Variants in DNAH3 observed in about 807,000 individuals in gnomAD.
DNAH3 encodes dynein axonemal heavy chain 3.
DNAH3 carries 332 observed loss-of-function variants against 432.5 expected under a neutral mutation model. The observed-to-expected ratio is 0.77, with a 90% confidence interval of 0.70 to 0.84. DNAH3 has a LOEUF of 0.84. Among genes scored for constraint, DNAH3 ranks in the 40% least tolerant of loss-of-function variants. The probability of loss-of-function intolerance (pLI) is 0.00; values close to 1 mark genes in which losing one functional copy is unlikely to be tolerated. For synonymous variants in DNAH3, 1,956 were observed against 1,900.2 expected, an observed-to-expected ratio of 1.03 and a Z score of -0.76; for missense variants, 4,861 against 5,114.0, an observed-to-expected ratio of 0.95 and a Z score of 1.51.
At chr16:20,944,803 G>A (rs1479226338) in intron 57 of DNAH3, 140 bp from the exon 58 acceptor site, 64 of 662,856 alleles carry the variant, frequency 9.7e-5, no homozygotes, top group South Asian at 1.4e-4. Context: ...ACACACACAC[G>A]CTGGGAGAAC....
chr16:20,964,316 A>T, exon 53 of DNAH3: 1 of 1,614,228 alleles, frequency 6.2e-7, no homozygotes. Context: ...TTGAGGAGAC[A>T]GACCTTCACG....
At chr16:21,119,570 C>T (rs2092288499) in intron 11 of DNAH3, among the ~76,000 whole-genome samples, 1 of 151,538 alleles carries the variant, frequency 6.6e-6, no homozygotes. Context: ...GTAGAGGTTG[C>T]CTCCCGGGCT....
At chr16:21,105,611 CA>C (rs2091927900) in intron 15 of DNAH3, among the ~76,000 whole-genome samples, 1 of 151,950 alleles carries the variant, frequency 6.6e-6, no homozygotes, top group African/African-American at 2.4e-5. Context: ...ACTAAAAATA[CA>C]AAAATTAGTT....
chr16:20,997,385 C>T lies in DNAH3; in HGVS notation c.6499G>A (p.Gly2167Ser), dbSNP rs199568662. The T allele has an allele frequency of 3.0e-5, 49 of 1,614,194 alleles. 1 individual carries two copies. In the African/African-American group the frequency reaches 5.7e-4, roughly 19 times the overall value. Residue 2167 changes from glycine to serine, a missense_variant, in exon 44 of 62, where the codon GGT (glycine) becomes AGT (serine). By Grantham distance (56) the Gly-to-Ser change is moderately conservative. Coordinates refer to ENST00000261383, the Ensembl canonical transcript of DNAH3. ...GTGTCTTTTTTGTCAAACCAGTAAC[C>T]ATGGTCAATCCACTGCCTCAGGAGC...
chr16:20,947,775 TTTTG>T (rs752763848), intron 57 of DNAH3, among the ~76,000 whole-genome samples: 88 of 152,210 alleles, frequency 5.8e-4, no homozygotes, highest in African/African-American at 1.3e-3. Flanking sequence ...AAGTGGTTTT[TTTTG>T]TTTGTTTGTT....
At chr16:21,138,671 A>C (rs896848409) in intron 5 of DNAH3, among the ~76,000 whole-genome samples, 5 of 152,144 alleles carry the variant, frequency 3.3e-5, no homozygotes, top group African/African-American at 1.2e-4. Context: ...TTAGCTGGGC[A>C]TGGTGGCAGT....
intron 40 of DNAH3, 128 bp from the exon 41 acceptor site, chr16:21,019,997 T>A (rs2152709994): frequency 9.9e-7 from 1 of 1,008,012 alleles, no homozygotes; most frequent in Non-Finnish European, 1.5e-6. Context: ...AGAGTGCCTA[T>A]CACCTACCAG....
intron 1 of DNAH3, among the ~76,000 whole-genome samples, chr16:21,148,047 A>T (rs147603505): frequency 1.5e-4 from 23 of 152,298 alleles, no homozygotes; most frequent in Non-Finnish European, 2.5e-4. Context: ...CTCCTATATA[A>T]GATGAGCCAA....
intron 44 of DNAH3, among the ~76,000 whole-genome samples, chr16:20,989,236 G>C (rs539937707): frequency 1.3e-5 from 2 of 152,272 alleles, no homozygotes; most frequent in East Asian, 1.9e-4. Flanking sequence ...CAATCCCTGA[G>C]CTAGATACAA....
chr16:21,080,238 A>G (rs1254075740), intron 20 of DNAH3, among the ~76,000 whole-genome samples: 1 of 152,320 alleles, frequency 6.6e-6, no homozygotes, highest in East Asian at 1.9e-4. Flanking sequence ...AGGAGGTTGC[A>G]GTGAGCCGAG....
chr16:21,151,989 C>T (rs1221728924), intron 1 of DNAH3, among the ~76,000 whole-genome samples: 1 of 151,988 alleles, frequency 6.6e-6, no homozygotes, highest in Non-Finnish European at 1.5e-5. Context: ...AATCCCAGCA[C>T]TCTGAAAGGC....
intron 18 of DNAH3, among the ~76,000 whole-genome samples, chr16:21,094,752 A>G (rs2091631387): frequency 6.6e-6 from 1 of 152,156 alleles, no homozygotes; most frequent in African/African-American, 2.4e-5. Flanking sequence ...ATCTAGAATT[A>G]TAGTTCCCAT....
chr16:20,959,610 AACACACACAC>A (rs55757849), intron 53 of DNAH3, among the ~76,000 whole-genome samples: 1,698 of 137,620 alleles, frequency 0.012, 15 homozygotes, highest in Non-Finnish European at 0.019. Flanking sequence ...TCTCTATTTA[AACACACACAC>A]ACACACACAC....
intron 7 of DNAH3, among the ~76,000 whole-genome samples, chr16:21,131,767 ATG>A (rs1567846952): frequency 7.4e-5 from 11 of 149,400 alleles, no homozygotes; most frequent in Non-Finnish European, 1.5e-4. Flanking sequence ...GGCAGGAGAA[ATG>A]TTTGAACCTG....
At chr16:21,047,708 G>A (rs1414207693) in intron 31 of DNAH3, among the ~76,000 whole-genome samples, 6 of 152,080 alleles carry the variant, frequency 3.9e-5, no homozygotes, top group Admixed American at 1.3e-4. Flanking sequence ...GCTTTGTTCC[G>A]TTGCTGGTGA....
chr16:21,136,279 T>A lies in DNAH3; in HGVS notation c.886+45A>T. 4 of 1,568,036 alleles carry A rather than the reference T, an allele frequency of 2.6e-6. No homozygotes were observed. The Admixed American group carries it at 5.2e-5, about 20-fold the overall frequency. ...AATAAAAATAAAAAAGAAGGTGCCC[T>A]CTACATAGAAGCTCCCCAGCCCCCT... On this transcript the variant is annotated intron_variant, in intron 6 of 61. Coordinates refer to ENST00000261383, the Ensembl canonical transcript of DNAH3.
At chr16:21,038,805 T>A (rs11640976) in intron 33 of DNAH3, among the ~76,000 whole-genome samples, 1 of 152,190 alleles carries the variant, frequency 6.6e-6, no homozygotes, top group Admixed American at 6.5e-5. Context: ...GCAATCCTGG[T>A]TACTATAGAA....
chr16:21,116,386 G>C (rs778243489), intron 12 of DNAH3, among the ~76,000 whole-genome samples: 2 of 151,864 alleles, frequency 1.3e-5, no homozygotes, highest in Non-Finnish European at 2.9e-5. Flanking sequence ...GAGTTCTCAC[G>C]AGATCTGATG....
intron 37 of DNAH3, among the ~76,000 whole-genome samples, chr16:21,028,427 G>A (rs374510389): frequency 7.3e-5 from 11 of 151,438 alleles, no homozygotes; most frequent in Admixed American, 3.3e-4. Flanking sequence ...TTGGGAGGCC[G>A]AGGAAGGCAG....
Sources: gnomAD v4.1 joint callset for allele counts (sites outside exome capture counted in the v4.1 genomes callset) on GRCh38, gnomAD v4.1.1 for gene constraint, MANE v1.5 for transcripts, NCBI Gene and HGNC (gene_info 2026-07-23, HGNC 2026-07-21) for gene names.